The following DDC variants were observed in gnomAD, a reference collection of about 807,000 sequenced individuals.
The protein encoded by DDC is dopa decarboxylase.
A neutral mutation model predicts 60.0 loss-of-function variants in DDC; 43 were observed. The observed-to-expected ratio is 0.72, with a 90% CI of 0.56 to 0.92. The LOEUF (loss-of-function observed/expected upper bound fraction) is 0.92, where lower values mean the gene tolerates loss of function less well. Among genes scored for constraint, DDC ranks in the 40% least tolerant of loss-of-function variants. DDC has a pLI of 0.00. For synonymous variants in DDC, 232 were observed against 234.6 expected (o/e 0.99, Z 0.10); for missense variants, 573 against 620.2 (o/e 0.92, Z 0.81).
chr7:50,481,367 G>C (rs74769350), intron 9 of DDC, among the ~76,000 whole-genome samples: 4,175 of 152,204 alleles, frequency 0.027, 127 homozygotes, highest in South Asian at 0.04. Context: ...CACTGGTTGT[G>C]GGGGGAGGTC....
Position 50,494,542 on chromosome 7 carries a change from G to A in DDC, c.944+808C>T, listed in dbSNP as rs1012438320. On this transcript the variant is annotated intron_variant, in intron 9 of 14. Transcript: ENST00000444124. ...AAAGAAAGAAAAGATTTTGAGCCAA[G>A]ATCGCACCACTGCACTCCAACCCGG... 3.3e-5 allele frequency among the ~76,000 whole-genome samples: 5 copies of A among 150,556 alleles called. No homozygotes were observed. In the Admixed American group the frequency reaches 3.3e-4, roughly 10 times the overall value.
chr7:50,530,846 T>C (rs1343808552), intron 4 of DDC, among the ~76,000 whole-genome samples: 1 of 152,210 alleles, frequency 6.6e-6, no homozygotes, highest in Non-Finnish European at 1.5e-5. Context: ...CAGAGAAATA[T>C]ATAATAAAAT....
chr7:50,503,708 G>C (rs2043314693), intron 7 of DDC, among the ~76,000 whole-genome samples: 1 of 152,182 alleles, frequency 6.6e-6, no homozygotes, highest in South Asian at 2.1e-4. Context: ...CTCCTCAACA[G>C]GGCCAACATA....
At chr7:50,475,216 A>C (rs11238133) in intron 11 of DDC, among the ~76,000 whole-genome samples, 103,958 of 152,136 alleles carry the variant, frequency 0.68, 35,815 homozygotes, top group African/African-American at 0.73. Flanking sequence ...CAGGCCACAG[A>C]GGCGCGAGGA....
intron 7 of DDC, 106 bp downstream of exon 7, chr7:50,503,887 T>A: frequency 1.2e-6 from 1 of 854,974 alleles, no homozygotes; most frequent in Non-Finnish European, 2.0e-6. Context: ...GGGCAAACCA[T>A]CACAATATGA....
At chr7:50,480,835 G>A (rs11575447) in intron 9 of DDC, among the ~76,000 whole-genome samples, 1,987 of 152,234 alleles carry the variant, frequency 0.013, 16 homozygotes, top group Non-Finnish European at 0.016. Flanking sequence ...GATGCCCTGG[G>A]CTGCAGACAG....
At chr7:50,559,081 C>A (rs2153554433) in intron 1 of DDC, among the ~76,000 whole-genome samples, 1 of 152,362 alleles carries the variant, frequency 6.6e-6, no homozygotes, top group East Asian at 1.9e-4. Flanking sequence ...ATATACAGGG[C>A]AGCAGTGTAA....
chr7:50,554,144 A>C (rs1257333391), intron 1 of DDC, among the ~76,000 whole-genome samples: 2 of 152,174 alleles, frequency 1.3e-5, no homozygotes, highest in Non-Finnish European at 2.9e-5. Flanking sequence ...TGTTACCTTT[A>C]ACCTCCACCC....
At chr7:50,464,698 G>T (rs1316038123) in intron 13 of DDC, among the ~76,000 whole-genome samples, 1 of 152,158 alleles carries the variant, frequency 6.6e-6, no homozygotes, top group East Asian at 1.9e-4. Flanking sequence ...AACAAAGTAG[G>T]CTGAGTGCAC....
At chr7:50,517,563 A>G (rs1024576341) in intron 6 of DDC, among the ~76,000 whole-genome samples, 1 of 152,196 alleles carries the variant, frequency 6.6e-6, no homozygotes, top group Non-Finnish European at 1.5e-5. Context: ...ATAGTACTGG[A>G]AATCCTAGCC....
intron 1 of DDC, among the ~76,000 whole-genome samples, chr7:50,558,579 G>T (rs138651853): frequency 8.2e-4 from 125 of 152,276 alleles, no homozygotes; most frequent in South Asian, 2.9e-3. Flanking sequence ...TAAGCTCGTG[G>T]TATACATTAT....
At chr7:50,527,060 T>C (rs2044057624) in intron 6 of DDC, among the ~76,000 whole-genome samples, 1 of 152,218 alleles carries the variant, frequency 6.6e-6, no homozygotes, top group Non-Finnish European at 1.5e-5. Flanking sequence ...TTTGCATTTC[T>C]TTGGTTATTA....
chr7:50,552,510 G>T (rs1383190713), intron 1 of DDC, among the ~76,000 whole-genome samples: 3 of 152,162 alleles, frequency 2.0e-5, no homozygotes, highest in Non-Finnish European at 4.4e-5. Context: ...GCAACAGTCA[G>T]AGCTCATCTC....
rs531105106 is a variant in DDC, at chr7:50,496,697, T to C, written c.877-1280A>G. Among the ~76,000 whole-genome samples, 9 of 152,272 alleles carry C rather than the reference T, an allele frequency of 5.9e-5. No homozygotes were observed. The South Asian group carries it at 1.7e-3, about 28-fold the overall frequency. ...CAGGGATTTGGCCATGCGGCTGGAT[T>C]CATAATTGATACCGAAATAAAGGTG... On this transcript the variant is annotated intron_variant, in intron 8 of 14. Coordinates refer to ENST00000444124, the MANE Select transcript of DDC (RefSeq NM_001082971.2).
chr7:50,513,366 C>G (rs1309113672), intron 6 of DDC, among the ~76,000 whole-genome samples: 1 of 152,114 alleles, frequency 6.6e-6, no homozygotes, highest in African/African-American at 2.4e-5. Context: ...CCTGCTGGCA[C>G]CACAGGGATC....
At position 50,528,118 on chromosome 7, in the gene DDC, CA is replaced by C. The variant is rs2044091011; in HGVS notation, c.714+18del. 6.2e-7 allele frequency: 1 copy of C among 1,612,000 alleles called. No individual in the cohort carries two copies. The highest frequency in any genetic ancestry group is 2.2e-5 in the East Asian group (1 of 44,864). On this transcript the variant is annotated intron_variant, in intron 6 of 14. Transcript: ENST00000444124. ...GTTTCACCTTATTGGCCAGGAGCCACAAGTGCTGCCGAACTTACAAAGAAAG... is the reference window on the plus strand; with the variant it reads ...GTTTCACCTTATTGGCCAGGAGCCACAGTGCTGCCGAACTTACAAAGAAAG...
intron 1 of DDC, among the ~76,000 whole-genome samples, chr7:50,549,065 A>G (rs912524989): frequency 2.6e-5 from 4 of 152,242 alleles, no homozygotes; most frequent in Admixed American, 2.6e-4. Context: ...TTTGAAGACT[A>G]TTGTTGAGAG....
chr7:50,547,224 T>A (rs2153551476), intron 1 of DDC, among the ~76,000 whole-genome samples: 1 of 152,228 alleles, frequency 6.6e-6, no homozygotes, highest in Admixed American at 6.5e-5. Flanking sequence ...TTTTTGTTTT[T>A]TTTTGAGACG....
intron 14 of DDC, among the ~76,000 whole-genome samples, chr7:50,462,768 G>GTTTTTTTTTTTTTTTTTTTTTTTTTTT (rs11302809): frequency 1.0e-5 from 1 of 98,364 alleles, no homozygotes; most frequent in Non-Finnish European, 2.0e-5. Context: ...TCTTCTTCTT[G>GTTTTTTTTTTTTTTTTTTTTTTTTTTT]TTTTTTTTTT....
Sources: allele counts gnomAD v4.1 joint callset (sites outside exome capture counted in the v4.1 genomes callset), GRCh38; gene constraint gnomAD v4.1.1; transcripts MANE v1.5; gene names NCBI Gene and HGNC (gene_info 2026-07-23, HGNC 2026-07-21).